The following DLG2 variants were observed in gnomAD, a reference collection of about 807,000 sequenced individuals.
DLG2 encodes discs large MAGUK scaffold protein 2, also known as disks large homolog 2.
Under a neutral mutation model 132.5 loss-of-function variants are expected in DLG2, and 45 were observed. That is an observed-to-expected ratio of 0.34 (90% CI 0.27 to 0.44). The LOEUF is 0.44. Ranked by LOEUF, DLG2 falls within the 20% of genes least tolerant of loss-of-function variation. The pLI, the probability that DLG2 is intolerant of heterozygous loss-of-function variation, is 1.00. For synonymous variants in DLG2, 424 were observed against 419.6 expected, an observed-to-expected ratio of 1.01 and a Z score of -0.13; for missense variants, 1,045 against 1,196.9, an observed-to-expected ratio of 0.87 and a Z score of 1.87.
At chr11:84,005,332 T>C (rs2094529882) in intron 11 of DLG2, among the ~76,000 whole-genome samples, 1 of 151,830 alleles carries the variant, frequency 6.6e-6, no homozygotes, top group African/African-American at 2.4e-5. Flanking sequence ...TATCTGATCA[T>C]ATACAAAAAT....
At chr11:84,888,378 T>C (rs1342449025) in intron 6 of DLG2, among the ~76,000 whole-genome samples, 1 of 152,114 alleles carries the variant, frequency 6.6e-6, no homozygotes, top group Non-Finnish European at 1.5e-5. Context: ...TATCTTTTCC[T>C]GCCCTCAGAC....
chr11:84,337,876 T>C (rs1039294588), intron 7 of DLG2, among the ~76,000 whole-genome samples: 7 of 152,170 alleles, frequency 4.6e-5, no homozygotes, highest in Admixed American at 4.6e-4. Context: ...CTTTACAAAA[T>C]ATCATTATAG....
At chr11:84,312,598 G>A (rs2098299049) in intron 7 of DLG2, among the ~76,000 whole-genome samples, 1 of 152,034 alleles carries the variant, frequency 6.6e-6, no homozygotes, top group South Asian at 2.1e-4. Context: ...TCTGTATTCT[G>A]AATATGCATT....
intron 19 of DLG2, among the ~76,000 whole-genome samples, chr11:83,611,374 C>T (rs976903015): frequency 6.6e-6 from 1 of 151,978 alleles, no homozygotes; most frequent in Non-Finnish European, 1.5e-5. Flanking sequence ...CCATGCTGTT[C>T]GATAATTTCA....
intron 6 of DLG2, among the ~76,000 whole-genome samples, chr11:84,600,168 GAAAGAAAGAAA>G (rs2099572788): frequency 9.0e-6 from 1 of 110,900 alleles, no homozygotes; most frequent in Non-Finnish European, 1.9e-5. Flanking sequence ...AGGAAAGAAA[GAAAGAAAGAAA>G]GAAAGAAAGA....
intron 8 of DLG2, among the ~76,000 whole-genome samples, chr11:84,231,725 A>G (rs2097096253): frequency 6.6e-6 from 1 of 152,164 alleles, no homozygotes; most frequent in South Asian, 2.1e-4. Flanking sequence ...GAAAACTTTC[A>G]GGTAGTTAAA....
At chr11:84,720,552 G>C in intron 6 of DLG2, 1 of 918,834 alleles carries the variant, frequency 1.1e-6, no homozygotes, top group Non-Finnish European at 1.3e-6. Flanking sequence ...GCAACGCCGC[G>C]GGCAAGTACC....
intron 7 of DLG2, among the ~76,000 whole-genome samples, chr11:84,300,319 T>C (rs559185018): frequency 6.6e-6 from 1 of 152,250 alleles, no homozygotes; most frequent in South Asian, 2.1e-4. Context: ...TATTTTTTCA[T>C]ATGTCACTCA....
At chr11:83,936,064 T>C (rs547560547) in intron 14 of DLG2, among the ~76,000 whole-genome samples, 1 of 152,206 alleles carries the variant, frequency 6.6e-6, no homozygotes, top group Non-Finnish European at 1.5e-5. Context: ...CTCACAAGGA[T>C]GCATAACCTC....
At chr11:85,320,641 T>C (rs941376803) in intron 3 of DLG2, among the ~76,000 whole-genome samples, 1 of 151,940 alleles carries the variant, frequency 6.6e-6, no homozygotes, top group Non-Finnish European at 1.5e-5. Context: ...GTGAGAAAGA[T>C]TACTTTATAT....
At chr11:84,783,458 C>T (rs555804864) in intron 6 of DLG2, among the ~76,000 whole-genome samples, 4 of 152,172 alleles carry the variant, frequency 2.6e-5, no homozygotes, top group African/African-American at 7.2e-5. Context: ...CCAGACTAAG[C>T]ATTTTCTGTT....
chr11:85,034,850 G>C (rs1277958577), intron 6 of DLG2, among the ~76,000 whole-genome samples: 1 of 151,790 alleles, frequency 6.6e-6, no homozygotes, highest in East Asian at 1.9e-4. Context: ...TTCTTTTTCT[G>C]ATTATCCATT....
At chr11:83,671,864 T>C (rs895084932) in intron 18 of DLG2, among the ~76,000 whole-genome samples, 7 of 152,200 alleles carry the variant, frequency 4.6e-5, no homozygotes, top group African/African-American at 1.2e-4. Flanking sequence ...AAATCTCCAA[T>C]TGTCTCATTG....
intron 16 of DLG2, among the ~76,000 whole-genome samples, chr11:83,838,473 C>A (rs1013479918): frequency 1.3e-5 from 2 of 152,136 alleles, no homozygotes; most frequent in Non-Finnish European, 2.9e-5. Flanking sequence ...GGATTAAGGA[C>A]ATAGATTTTC....
intron 6 of DLG2, among the ~76,000 whole-genome samples, chr11:84,811,312 G>A (rs2076534868): frequency 6.6e-6 from 1 of 152,078 alleles, no homozygotes; most frequent in African/African-American, 2.4e-5. Context: ...GAAAAAGAGG[G>A]GAGCAAGAGG....
intron 4 of DLG2, among the ~76,000 whole-genome samples, chr11:85,210,358 T>TC: frequency 6.6e-6 from 1 of 151,916 alleles, no homozygotes; most frequent in East Asian, 2.0e-4. Flanking sequence ...CCAAACATCC[T>TC]CTCCCTCAGA....
intron 7 of DLG2, among the ~76,000 whole-genome samples, chr11:84,334,169 C>T (rs2098473538): frequency 6.6e-6 from 1 of 152,098 alleles, no homozygotes; most frequent in Non-Finnish European, 1.5e-5. Context: ...TAAGAGTATG[C>T]CAATCTTATG....
At chr11:84,080,053 C>G (rs1202947360) in intron 10 of DLG2, among the ~76,000 whole-genome samples, 1 of 152,196 alleles carries the variant, frequency 6.6e-6, no homozygotes, top group Non-Finnish European at 1.5e-5. Flanking sequence ...CTCCTTTTAA[C>G]TCTCAACTTA....
In DLG2 at chr11:84,133,792, T is replaced by C. The variant is rs575730607; in HGVS notation, c.624+29669A>G. The stretch of plus-strand genomic sequence containing the variant: ...CCCTATGCCCAGGTAAAAGAAGACA[T>C]ATTTTGTTCAAATATTTCATATATT... On this transcript the variant is annotated intron_variant, in intron 9 of 27. Coordinates refer to ENST00000376104, the MANE Select transcript of DLG2 (RefSeq NM_001142699.3). 4.6e-5 allele frequency among the ~76,000 whole-genome samples: 7 copies of C among 152,120 alleles called. No homozygotes were observed. In the South Asian group the frequency reaches 1.0e-3, roughly 23 times the overall value.
Sources: gnomAD v4.1 joint callset for allele counts (sites outside exome capture counted in the v4.1 genomes callset) on GRCh38, gnomAD v4.1.1 for gene constraint, MANE v1.5 for transcripts, NCBI Gene and HGNC (gene_info 2026-07-23, HGNC 2026-07-21) for gene names.